Variants in STX6 observed in about 807,000 individuals in gnomAD.
STX6 encodes syntaxin-6.
STX6 carries 23 observed loss-of-function variants against 38.0 expected under a neutral mutation model. The ratio of observed to expected loss-of-function variants is 0.60; its 90% CI spans 0.43 to 0.86. STX6 has a LOEUF of 0.86. STX6 is among the 40% of genes least tolerant of loss of function. The pLI, the probability that STX6 is intolerant of heterozygous loss-of-function variation, is 0.00. For synonymous variants in STX6, 123 were observed against 107.5 expected (o/e 1.14, Z -0.89); for missense variants, 274 against 312.9 (o/e 0.88, Z 0.94).
At chr1:180,985,900 C>A (rs1046947955) in intron 6 of STX6, among the ~76,000 whole-genome samples, 1 of 152,224 alleles carries the variant, frequency 6.6e-6, no homozygotes, top group Non-Finnish European at 1.5e-5. Flanking sequence ...TTGCAGGATT[C>A]AGGGCAACCA....
In STX6 at chr1:181,013,815, C is replaced by T. The variant is rs532805414; in HGVS notation, c.36-8352G>A. Among the ~76,000 whole-genome samples the T allele has an allele frequency of 1.6e-4, 25 of 152,312 alleles. No homozygotes were observed. In the South Asian group the frequency reaches 1.9e-3, roughly 11 times the overall value. On this transcript the variant is annotated intron_variant, in intron 1 of 7. Coordinates refer to ENST00000258301, the MANE Select transcript of STX6 (RefSeq NM_005819.6). ...ATTAAACAGGCTGGGGCTGTAAAGG[C>T]ATCACATCTCTCTATCTCTCCACAG...
At chr1:180,980,220 A>C (rs868468746) in intron 7 of STX6, among the ~76,000 whole-genome samples, 1 of 151,072 alleles carries the variant, frequency 6.6e-6, no homozygotes, top group African/African-American at 2.4e-5. Context: ...AAAAAAAAAA[A>C]AAACACCATG....
intron 3 of STX6, among the ~76,000 whole-genome samples, chr1:181,000,508 T>C (rs1178679574): frequency 2.0e-5 from 3 of 152,152 alleles, no homozygotes; most frequent in Non-Finnish European, 4.4e-5. Flanking sequence ...GAGAACAGCA[T>C]GTGGGAAACT....
chr1:180,979,701 T>C (rs1655347873), intron 7 of STX6, among the ~76,000 whole-genome samples: 1 of 152,214 alleles, frequency 6.6e-6, no homozygotes, highest in African/African-American at 2.4e-5. Flanking sequence ...AATTGGGATG[T>C]CATTAAAATT....
chr1:180,986,577 T>C (rs1226120646), intron 6 of STX6, among the ~76,000 whole-genome samples: 1 of 152,166 alleles, frequency 6.6e-6, no homozygotes, highest in Admixed American at 6.5e-5. Context: ...CAGGGTCTCC[T>C]CTGTCACCCA....
At chr1:181,009,082 A>G (rs1449087756) in intron 1 of STX6, among the ~76,000 whole-genome samples, 1 of 152,150 alleles carries the variant, frequency 6.6e-6, no homozygotes. Flanking sequence ...AATATATACT[A>G]AGGGAGAAGA....
intron 1 of STX6, among the ~76,000 whole-genome samples, chr1:181,011,311 C>A (rs771506207): frequency 8.5e-5 from 13 of 152,164 alleles, no homozygotes; most frequent in Non-Finnish European, 1.8e-4. Flanking sequence ...ATCAGGGAAT[C>A]CCATCTCAAT....
At chr1:180,997,396 T>C (rs1487055846) in intron 3 of STX6, among the ~76,000 whole-genome samples, 1 of 152,230 alleles carries the variant, frequency 6.6e-6, no homozygotes, top group Non-Finnish European at 1.5e-5. Flanking sequence ...TAGAAAACTT[T>C]GAAGTATGTC....
At chr1:180,979,822 T>C (rs571017938) in intron 7 of STX6, among the ~76,000 whole-genome samples, 4 of 151,284 alleles carry the variant, frequency 2.6e-5, no homozygotes, top group Non-Finnish European at 5.9e-5. Flanking sequence ...GTCCAGAATG[T>C]ATTATACAAA....
intron 3 of STX6, among the ~76,000 whole-genome samples, chr1:180,996,256 T>C (rs151072679): frequency 1.3e-5 from 2 of 151,850 alleles, no homozygotes; most frequent in African/African-American, 4.8e-5. Flanking sequence ...AGAAAAAAAG[T>C]AGAAATAAGC....
Position 180,993,415 on chromosome 1 carries a change from T to C in STX6, c.311A>G (p.Asp104Gly). Residue 104 changes from aspartate (D) to glycine (G), a missense_variant, in exon 4 of 8, where the codon GAT (aspartate) becomes GGT (glycine). Asp to Gly is a moderately conservative substitution (Grantham distance 94). Transcript: ENST00000258301. The stretch of plus-strand genomic sequence containing the variant: ...CTGCACAGATGAAGTTGACATCTGA[T>C]CTTTCATGTCCTAATGAGAAAGAAG... ...STRQVVRDMKDQMSTSSVQAL... is the reference protein window; with the variant it reads ...STRQVVRDMKGQMSTSSVQAL... 6.3e-7 allele frequency: 1 copy of C among 1,591,472 alleles called. No homozygotes were observed. Among genetic ancestry groups the C allele is most frequent in the Non-Finnish European group, 8.6e-7 (1 of 1,160,966 alleles).
At chr1:181,019,660 C>A (rs1246825159) in intron 1 of STX6, among the ~76,000 whole-genome samples, 5 of 152,136 alleles carry the variant, frequency 3.3e-5, no homozygotes, top group Admixed American at 3.3e-4. Context: ...ATTCTGCAGG[C>A]CAGCAGCAGC....
At chr1:180,995,229 G>A (rs1655871773) in intron 3 of STX6, among the ~76,000 whole-genome samples, 1 of 152,032 alleles carries the variant, frequency 6.6e-6, no homozygotes, top group Admixed American at 6.6e-5. Context: ...CCAAAGTGCT[G>A]GGATTACAGG....
chr1:181,002,783 A>T (rs1656120839), intron 2 of STX6, 83 bp from the exon 3 acceptor site: 1 of 921,354 alleles, frequency 1.1e-6, no homozygotes, highest in Non-Finnish European at 1.7e-6. Context: ...CTCACATGCA[A>T]ACAAATAAAA....
chr1:180,995,438 C>T (rs1655879852), intron 3 of STX6, among the ~76,000 whole-genome samples: 1 of 152,104 alleles, frequency 6.6e-6, no homozygotes, highest in Non-Finnish European at 1.5e-5. Context: ...CTGCAGGATT[C>T]GTTTTCTGAT....
Position 181,014,732 on chromosome 1 carries a change from T to C in STX6, c.35+7907A>G, listed in dbSNP as rs572890349. Among the ~76,000 whole-genome samples, 434 of 152,308 alleles carry C rather than the reference T, an allele frequency of 2.8e-3. 5 individuals carry two copies. The highest frequency in any genetic ancestry group is 9.5e-3 in the South Asian group (46 of 4,822). On this transcript the variant is annotated intron_variant, in intron 1 of 7. Coordinates refer to ENST00000258301, the MANE Select transcript of STX6 (RefSeq NM_005819.6). ...CATCTCTCCAGAAAGAGAGGAACTC[T>C]TTTTATTGCTTGACTTCTACATTCA...
intron 1 of STX6, among the ~76,000 whole-genome samples, chr1:181,008,835 G>A (rs908563635): frequency 6.9e-6 from 1 of 144,378 alleles, no homozygotes; most frequent in East Asian, 2.1e-4. Context: ...TCATTTGTGA[G>A]AAAATATCTC....
rs1220910599 is a variant in STX6 at position 180,973,391 on chromosome 1, A to C, written c.*3179T>G. ...CTTTATAGACAGGGAAATTACCAAA[A>C]GAAAAATCTTGGCTCTACCATCTCT... On this transcript the variant is annotated 3_prime_UTR_variant, in exon 8 of 8. Coordinates refer to ENST00000258301, the MANE Select transcript of STX6 (RefSeq NM_005819.6). The C allele has an allele frequency of 4.6e-5, 7 of 152,690 alleles. No homozygotes were observed. The East Asian group carries it at 1.3e-3, about 29-fold the overall frequency. 9.5% of individuals were successfully genotyped at this position (152,690 alleles called of 1,614,324 possible).
chr1:181,002,902 A>G (rs527901281), intron 2 of STX6, among the ~76,000 whole-genome samples: 6 of 152,310 alleles, frequency 3.9e-5, no homozygotes. Context: ...GACAGAGATG[A>G]TCTGTCTGGT....
Sources: gnomAD v4.1 joint callset for allele counts (sites outside exome capture counted in the v4.1 genomes callset) on GRCh38, gnomAD v4.1.1 for gene constraint, MANE v1.5 for transcripts, NCBI Gene and HGNC (gene_info 2026-07-23, HGNC 2026-07-21) for gene names.